Variants in HERPUD2 observed in about 807,000 individuals in gnomAD.
HERPUD2 encodes the protein HERPUD family member 2, also known as homocysteine-responsive endoplasmic reticulum-resident ubiquitin-like domain member 2 protein.
Under a neutral mutation model 49.9 loss-of-function variants are expected in HERPUD2, and 13 were observed. The ratio of observed to expected loss-of-function variants is 0.26; its 90% CI spans 0.17 to 0.41. HERPUD2 has a LOEUF of 0.41. Ranked by LOEUF, HERPUD2 falls within the 10% of genes least tolerant of loss-of-function variation. HERPUD2 has a pLI of 1.00. For missense variants in HERPUD2, 449 were observed against 492.2 expected (o/e 0.91, Z 0.83); for synonymous variants, 172 against 171.4 (o/e 1.00, Z -0.03).
intron 2 of HERPUD2, among the ~76,000 whole-genome samples, chr7:35,681,766 T>C (rs1785896778): frequency 6.6e-6 from 1 of 152,008 alleles, no homozygotes; most frequent in African/African-American, 2.4e-5. Context: ...ATATGAAATG[T>C]CTAGACTATG....
chr7:35,668,885 T>A (rs945135913), intron 4 of HERPUD2, among the ~76,000 whole-genome samples: 4 of 152,194 alleles, frequency 2.6e-5, no homozygotes, highest in Non-Finnish European at 5.9e-5. Context: ...TTTCTGACCT[T>A]ATTAGGTAAT....
intron 2 of HERPUD2, among the ~76,000 whole-genome samples, chr7:35,690,809 CAA>C (rs201783291): frequency 7.7e-5 from 11 of 143,726 alleles, no homozygotes; most frequent in Non-Finnish European, 7.6e-5. Flanking sequence ...AACTCCGTCT[CAA>C]AAAAAAAAAA....
rs772956137 is a variant in HERPUD2, at chr7:35,667,659, T to C, written c.340-71A>G. The C allele has an allele frequency of 1.5e-4, 177 of 1,172,602 alleles. 1 individual carries two copies. Among genetic ancestry groups the C allele is most frequent in the Non-Finnish European group, 2.0e-4 (159 of 810,498 alleles). 72.6% of individuals were successfully genotyped at this position (1,172,602 alleles called of 1,614,324 possible). A position where few individuals can be genotyped will look rare whatever the true frequency, so the allele number is the denominator to read the frequency against. The stretch of plus-strand genomic sequence containing the variant: ...AATCATAAAATTACAGGCACATTAC[T>C]AAAAACGTATTCATGAAATCCCTCT... On this transcript the variant is annotated intron_variant, in intron 4 of 8. Transcript: ENST00000311350.
chr7:35,652,539 G>A (rs1435201874), intron 5 of HERPUD2, among the ~76,000 whole-genome samples: 1 of 151,508 alleles, frequency 6.6e-6, no homozygotes, highest in Admixed American at 6.6e-5. Context: ...AAACCTTACA[G>A]GCCAGGAGAG....
chr7:35,647,825 G>A (rs1785082630), intron 5 of HERPUD2, among the ~76,000 whole-genome samples: 1 of 152,184 alleles, frequency 6.6e-6, no homozygotes, highest in African/African-American at 2.4e-5. Context: ...TAACAGTGCT[G>A]AGACCAGAGT....
intron 2 of HERPUD2, among the ~76,000 whole-genome samples, chr7:35,676,212 T>G (rs1356194629): frequency 6.6e-6 from 1 of 152,218 alleles, no homozygotes; most frequent in Non-Finnish European, 1.5e-5. Context: ...CCCAGGCTAT[T>G]TATGTGTTGA....
intron 2 of HERPUD2, among the ~76,000 whole-genome samples, chr7:35,691,036 G>A (rs903503501): frequency 6.6e-6 from 1 of 152,020 alleles, no homozygotes. Context: ...ATACTATTAC[G>A]CTTATTTACT....
At chr7:35,681,286 T>G (rs1243815895) in intron 2 of HERPUD2, among the ~76,000 whole-genome samples, 1 of 152,188 alleles carries the variant, frequency 6.6e-6, no homozygotes, top group African/African-American at 2.4e-5. Flanking sequence ...AATTACATAG[T>G]AGCCCCCAAA....
At chr7:35,638,942 AT>A (rs1361557706) in intron 5 of HERPUD2, among the ~76,000 whole-genome samples, 1 of 152,218 alleles carries the variant, frequency 6.6e-6, no homozygotes, top group Non-Finnish European at 1.5e-5. Context: ...AAAAAAGAAC[AT>A]TACAAAAACC....
intron 2 of HERPUD2, among the ~76,000 whole-genome samples, chr7:35,690,670 G>A (rs1471694607): frequency 6.6e-6 from 1 of 152,164 alleles, no homozygotes; most frequent in East Asian, 1.9e-4. Flanking sequence ...TTAGCCGGGC[G>A]TGGTGTCACA....
At chr7:35,669,477 T>C (rs990936462) in intron 4 of HERPUD2, among the ~76,000 whole-genome samples, 2 of 152,146 alleles carry the variant, frequency 1.3e-5, no homozygotes, top group Admixed American at 6.6e-5. Context: ...GCTCAAGAAG[T>C]TGAAAGCAAG....
intron 4 of HERPUD2, 94 bp from the exon 5 acceptor site, chr7:35,667,682 T>G (rs1785566285): frequency 1.9e-5 from 18 of 923,396 alleles, no homozygotes; most frequent in Non-Finnish European, 2.8e-5. Context: ...ATGAAATCCC[T>G]CTGCAAAATA....
Position 35,667,452 on chromosome 7 carries a change from A to C in HERPUD2, c.476T>G (p.Phe159Cys). 1 of 1,613,374 alleles carries C rather than the reference A, an allele frequency of 6.2e-7. No homozygotes were observed. Among genetic ancestry groups the C allele is most frequent in the Non-Finnish European group, 8.5e-7 (1 of 1,179,408 alleles). The change falls in exon 5 of 9, where the codon TTT becomes TGT. Residue 159 changes from phenylalanine (F) to cysteine (C), a missense_variant. By Grantham distance (205) the Phe-to-Cys change is radical (BLOSUM62 -2). Coordinates refer to ENST00000311350, the MANE Select transcript of HERPUD2 (RefSeq NM_022373.5). ...AQTDQAQSHQ[F>C]PYVMQGNVDN... is the part of the protein sequence containing the mutation. ...CACTTACCCTTGCATTACATATGGA[A>C]ACTGGTGACTCTGTGCTTGGTCAGT...
intron 3 of HERPUD2, 50 bp from the exon 4 acceptor site, chr7:35,670,378 G>A (rs1785619639): frequency 1.2e-6 from 1 of 843,054 alleles, no homozygotes; most frequent in Non-Finnish European, 1.7e-6. Flanking sequence ...AAAATGTACA[G>A]TTCAAAAAGT....
intron 5 of HERPUD2, among the ~76,000 whole-genome samples, chr7:35,660,457 T>C (rs1237840782): frequency 2.0e-5 from 3 of 152,190 alleles, no homozygotes; most frequent in Admixed American, 6.5e-5. Flanking sequence ...CGCCACACTG[T>C]CTTCCACAAT....
chr7:35,639,051 C>T lies in HERPUD2; in HGVS notation c.495-579G>A, dbSNP rs111559335. Reference sequence around the variant, plus strand: ...TTTATTTCTTTTTTTTTTTTTGAGACGGAATCTCGCTCTTTCGCCCAGGCT... The same window carrying T: ...TTTATTTCTTTTTTTTTTTTTGAGATGGAATCTCGCTCTTTCGCCCAGGCT... On this transcript the variant is annotated intron_variant, in intron 5 of 8. Transcript: ENST00000311350. Among the ~76,000 whole-genome samples, 109 of 148,980 alleles carry T rather than the reference C, an allele frequency of 7.3e-4. 1 individual carries two copies. The highest frequency in any genetic ancestry group is 2.2e-3 in the Admixed American group (33 of 14,950).
At chr7:35,671,084 A>AG (rs1785634023) in intron 3 of HERPUD2, among the ~76,000 whole-genome samples, 1 of 152,094 alleles carries the variant, frequency 6.6e-6, no homozygotes, top group African/African-American at 2.4e-5. Flanking sequence ...AGAATGACAA[A>AG]GAAAAAGGAG....
In HERPUD2 at chr7:35,638,213, T is replaced by C. The variant is rs1784902271; in HGVS notation, c.617+137A>G. 11 of 714,382 alleles carry C rather than the reference T, an allele frequency of 1.5e-5. No homozygotes were observed. In the South Asian group the frequency reaches 4.5e-4, roughly 29 times the overall value. 44.3% of individuals were successfully genotyped at this position (714,382 alleles called of 1,614,324 possible). A position where few individuals can be genotyped will look rare whatever the true frequency, so the allele number is the denominator to read the frequency against. Reference sequence around the variant, plus strand: ...AGGGTTAGTTCATGTGAACTGGAGGTGAACCCTTTTTCCTTTAGTCAAAAC... The same window carrying C: ...AGGGTTAGTTCATGTGAACTGGAGGCGAACCCTTTTTCCTTTAGTCAAAAC... On this transcript the variant is annotated intron_variant, in intron 6 of 8. Coordinates refer to ENST00000311350, the MANE Select transcript of HERPUD2 (RefSeq NM_022373.5).
intron 2 of HERPUD2, among the ~76,000 whole-genome samples, chr7:35,692,913 CAGAT>C (rs1345111992): frequency 6.6e-6 from 1 of 152,234 alleles, no homozygotes; most frequent in Non-Finnish European, 1.5e-5. Context: ...TGCCTTCCAA[CAGAT>C]CCATGCTTAA....
Sources: allele counts gnomAD v4.1 joint callset (sites outside exome capture counted in the v4.1 genomes callset), GRCh38; gene constraint gnomAD v4.1.1; transcripts MANE v1.5; gene names NCBI Gene and HGNC (gene_info 2026-07-23, HGNC 2026-07-21).